SORCS2: variants seen among roughly 807,000 people sequenced by gnomAD.
SORCS2 encodes the protein VPS10 domain-containing receptor SorCS2.
Under a neutral mutation model 141.6 loss-of-function variants are expected in SORCS2, and 100 were observed. The ratio of observed to expected loss-of-function variants is 0.71; its 90% CI spans 0.60 to 0.83. The LOEUF (loss-of-function observed/expected upper bound fraction) is 0.83, where lower values mean the gene tolerates loss of function less well. SORCS2 is among the 40% of genes least tolerant of loss of function. SORCS2 has a pLI of 0.00. For synonymous variants in SORCS2, 789 were observed against 676.9 expected, an observed-to-expected ratio of 1.17 and a Z score of -2.57; for missense variants, 1,646 against 1,560.2, an observed-to-expected ratio of 1.05 and a Z score of -0.93.
intron 10 of SORCS2, among the ~76,000 whole-genome samples, chr4:7,689,192 A>C (rs899086117): frequency 6.6e-6 from 1 of 152,036 alleles, no homozygotes; most frequent in Non-Finnish European, 1.5e-5. Flanking sequence ...GGGCTGTAGG[A>C]GTCCCTAATC....
chr4:7,474,794 C>T (rs1577624714), intron 2 of SORCS2, among the ~76,000 whole-genome samples: 1 of 152,332 alleles, frequency 6.6e-6, no homozygotes, highest in Middle Eastern at 3.4e-3. Context: ...AAGCAACAGA[C>T]ATTTATCCTC....
chr4:7,273,243 A>G (rs979709771), intron 1 of SORCS2, among the ~76,000 whole-genome samples: 2 of 152,226 alleles, frequency 1.3e-5, no homozygotes, highest in African/African-American at 4.8e-5. Flanking sequence ...TCTTATCCCA[A>G]TCAGGGAGAG....
chr4:7,528,127 G>T (rs1733816873), intron 2 of SORCS2, among the ~76,000 whole-genome samples: 1 of 149,002 alleles, frequency 6.7e-6, no homozygotes, highest in Non-Finnish European at 1.5e-5. Flanking sequence ...GCTGCCCATG[G>T]ATTCCAGCCT....
chr4:7,543,939 C>T (rs56354205), intron 3 of SORCS2, among the ~76,000 whole-genome samples: 1,284 of 16,728 alleles, frequency 0.077, 149 homozygotes, highest in Middle Eastern at 0.5. Flanking sequence ...CACCCATCCA[C>T]CCATCCATCC....
At chr4:7,403,988 TATATATA>T (rs1458027174) in intron 2 of SORCS2, among the ~76,000 whole-genome samples, 4 of 7,398 alleles carry the variant, frequency 5.4e-4, no homozygotes, top group Admixed American at 3.7e-3. Flanking sequence ...TATATATATA[TATATATA>T]TATTTTTTTT....
chr4:7,733,849 C>T (rs1439236034), intron 24 of SORCS2, among the ~76,000 whole-genome samples: 1 of 152,236 alleles, frequency 6.6e-6, no homozygotes, highest in African/African-American at 2.4e-5. Context: ...CCTCCATCCC[C>T]AGTGGGAGCC....
At chr4:7,587,158 C>G (rs1214716327) in intron 3 of SORCS2, among the ~76,000 whole-genome samples, 1 of 151,976 alleles carries the variant, frequency 6.6e-6, no homozygotes, top group Admixed American at 6.6e-5. Context: ...TGAGTCCTGC[C>G]TTGGATGCCC....
rs1725612815 is a variant in SORCS2, at chr4:7,708,417, C to G, written c.1868+4133C>G. ...GCGTTATTCCCAAGAAGGCGAGGGC[C>G]CCCTTCACTGGTCTCACTGAACATC... On this transcript the variant is annotated intron_variant, in intron 14 of 26. Transcript: ENST00000507866. Among the ~76,000 whole-genome samples the G allele has an allele frequency of 2.0e-5, 3 of 152,150 alleles. No homozygotes were observed. The South Asian group carries it at 6.2e-4, about 32-fold the overall frequency.
intron 1 of SORCS2, among the ~76,000 whole-genome samples, chr4:7,236,607 A>C (rs1712293158): frequency 6.6e-6 from 1 of 152,088 alleles, no homozygotes; most frequent in Admixed American, 6.5e-5. Flanking sequence ...TTTGAGGTGG[A>C]GTCTCGCTCT....
chr4:7,198,622 A>C (rs1727305117), intron 1 of SORCS2, among the ~76,000 whole-genome samples: 1 of 152,114 alleles, frequency 6.6e-6, no homozygotes. Flanking sequence ...CTCATCACCA[A>C]GGGTGTCCAG....
At chr4:7,722,046 T>A (rs1300554090) in intron 18 of SORCS2, among the ~76,000 whole-genome samples, 1 of 152,204 alleles carries the variant, frequency 6.6e-6, no homozygotes, top group African/African-American at 2.4e-5. Flanking sequence ...ATATACTACT[T>A]TTGTGGTCAG....
In SORCS2 at chr4:7,676,195, A is replaced by G. The variant is rs1254640007; in HGVS notation, c.1307A>G (p.Gln436Arg). ...CTGCAGGACGTGCGCAGCTCACGGC[A>G]GGCGGAGGAGAGCGTGCTCATCGAC... ...LVLQDVRSSR[Q>R]AEESVLIDIL... Residue 436 changes from glutamine to arginine, a missense_variant, in exon 9 of 27, where the codon CAG becomes CGG. Physicochemically the swap from Gln to Arg is conservative, Grantham distance 43. Coordinates refer to ENST00000507866, the MANE Select transcript of SORCS2 (RefSeq NM_020777.3). 6.4e-7 allele frequency: 1 copy of G among 1,552,634 alleles called. No individual in the cohort carries two copies. Among genetic ancestry groups the G allele is most frequent in the East Asian group, 2.4e-5 (1 of 40,990 alleles).
At chr4:7,200,884 C>T (rs1164229508) in intron 1 of SORCS2, among the ~76,000 whole-genome samples, 3 of 152,158 alleles carry the variant, frequency 2.0e-5, no homozygotes, top group African/African-American at 4.8e-5. Context: ...CTAAGAGTGT[C>T]GACCTCACTT....
At chr4:7,546,319 C>T (rs1016245692) in intron 3 of SORCS2, among the ~76,000 whole-genome samples, 3 of 152,162 alleles carry the variant, frequency 2.0e-5, no homozygotes, top group Non-Finnish European at 4.4e-5. Context: ...TGTGTCTTCT[C>T]CCCTTCCCCG....
intron 1 of SORCS2, among the ~76,000 whole-genome samples, chr4:7,296,429 G>A (rs1398682253): frequency 1.3e-5 from 2 of 152,212 alleles, no homozygotes; most frequent in African/African-American, 4.8e-5. Context: ...CCTGAGGTGG[G>A]ACTCCTGGGG....
rs942573101 is a variant in SORCS2, at chr4:7,648,684, A to G, written c.814-5450A>G. On this transcript the variant is annotated intron_variant, in intron 4 of 26. Coordinates refer to ENST00000507866, the MANE Select transcript of SORCS2 (RefSeq NM_020777.3). The surrounding 1 kb of genome is among the most constrained non-coding windows in gnomAD (Gnocchi z 4.2). ...GGCTGCCAAGCGGCTTGGCCTCTGCATGGTTGGAGAGCTCAGAATGTGAGC... is the reference window on the plus strand; with the variant it reads ...GGCTGCCAAGCGGCTTGGCCTCTGCGTGGTTGGAGAGCTCAGAATGTGAGC... Among the ~76,000 whole-genome samples, 4 of 152,052 alleles carry G rather than the reference A, an allele frequency of 2.6e-5. No individual in the cohort carries two copies. In the South Asian group the frequency reaches 8.3e-4, roughly 32 times the overall value.
intron 14 of SORCS2, among the ~76,000 whole-genome samples, chr4:7,709,924 C>T (rs80353015): frequency 3.9e-5 from 6 of 152,086 alleles, no homozygotes; most frequent in South Asian, 2.1e-4. Context: ...CCCCTCGCAG[C>T]GTGGCCCATT....
At chr4:7,594,814 G>A (rs1030536328) in intron 3 of SORCS2, among the ~76,000 whole-genome samples, 7 of 152,244 alleles carry the variant, frequency 4.6e-5, no homozygotes, top group East Asian at 1.9e-4. Context: ...TCACAGTCTC[G>A]GTGTGCCTCA....
intron 1 of SORCS2, among the ~76,000 whole-genome samples, chr4:7,200,359 G>A (rs985787991): frequency 6.6e-6 from 1 of 151,984 alleles, no homozygotes; most frequent in Admixed American, 6.6e-5. Flanking sequence ...TCCTCCCTGG[G>A]GAGCCCTGGG....
Sources: gnomAD v4.1 joint callset for allele counts (sites outside exome capture counted in the v4.1 genomes callset) on GRCh38, gnomAD v4.1.1 for gene constraint, Gnocchi (gnomAD v3.1) non-coding constraint, MANE v1.5 for transcripts, NCBI Gene and HGNC (gene_info 2026-07-23, HGNC 2026-07-21) for gene names.